The following PCDH7 variants were observed in gnomAD, a reference collection of about 807,000 sequenced individuals.
The protein encoded by PCDH7 is protocadherin-7.
Under a neutral mutation model 58.9 loss-of-function variants are expected in PCDH7, and 17 were observed. The observed-to-expected ratio is 0.29, with a 90% CI of 0.20 to 0.43. The LOEUF (loss-of-function observed/expected upper bound fraction) is 0.43. Ranked by LOEUF, PCDH7 falls within the 20% of genes least tolerant of loss-of-function variation. The probability of loss-of-function intolerance (pLI) is 1.00; values close to 1 mark genes in which losing one functional copy is unlikely to be tolerated. For missense variants in PCDH7, 1,274 were observed against 1,441.0 expected (o/e 0.88, Z 1.88); for synonymous variants, 664 against 616.4 (o/e 1.08, Z -1.14).
chr4:30,822,043 C>T (rs994527418), intron 1 of PCDH7, among the ~76,000 whole-genome samples: 5 of 152,128 alleles, frequency 3.3e-5, no homozygotes, highest in South Asian at 2.1e-4. Context: ...TGACCACAAA[C>T]GATCGGTATC....
chr4:30,857,611 A>G (rs949486043), intron 1 of PCDH7, among the ~76,000 whole-genome samples: 2 of 152,068 alleles, frequency 1.3e-5, no homozygotes, highest in Admixed American at 1.3e-4. Flanking sequence ...CATTTTAGGG[A>G]TGAGAGAATT....
chr4:30,945,399 A>G (rs1746547300), intron 2 of PCDH7, among the ~76,000 whole-genome samples: 1 of 152,078 alleles, frequency 6.6e-6, no homozygotes, highest in South Asian at 2.1e-4. Flanking sequence ...TTTAAAATTT[A>G]AAATTTTACT....
chr4:30,854,111 T>C (rs1733135878), intron 1 of PCDH7, among the ~76,000 whole-genome samples: 1 of 151,724 alleles, frequency 6.6e-6, no homozygotes. Flanking sequence ...TTTCAAGATA[T>C]AATTCAAACT....
chr4:30,804,384 C>G (rs1264928956), intron 1 of PCDH7, among the ~76,000 whole-genome samples: 1 of 151,772 alleles, frequency 6.6e-6, no homozygotes, highest in Non-Finnish European at 1.5e-5. Flanking sequence ...AGTAAAATAC[C>G]AAAAATTAGT....
At chr4:30,995,768 G>T (rs1578516110) in intron 3 of PCDH7, among the ~76,000 whole-genome samples, 1 of 152,074 alleles carries the variant, frequency 6.6e-6, no homozygotes, top group South Asian at 2.1e-4. Context: ...ACATTCCTTT[G>T]CTAGTGGCCC....
intron 1 of PCDH7, among the ~76,000 whole-genome samples, chr4:30,758,844 G>A (rs1172271247): frequency 6.6e-6 from 1 of 151,908 alleles, no homozygotes; most frequent in East Asian, 1.9e-4. Context: ...TAATTGAGTA[G>A]GGTATTTCTT....
At chr4:30,875,565 T>A (rs529008996) in intron 1 of PCDH7, among the ~76,000 whole-genome samples, 72 of 152,172 alleles carry the variant, frequency 4.7e-4, no homozygotes, top group Non-Finnish European at 8.1e-4. Context: ...AATCCTAAAA[T>A]TTTCAAACAC....
intron 3 of PCDH7, among the ~76,000 whole-genome samples, chr4:31,002,162 C>A (rs973672272): frequency 1.4e-4 from 21 of 152,176 alleles, no homozygotes; most frequent in Admixed American, 3.9e-4. Flanking sequence ...TATAAATGCA[C>A]ACACTTGGAA....
chr4:30,774,701 C>A (rs534300262), intron 1 of PCDH7, among the ~76,000 whole-genome samples: 6 of 152,118 alleles, frequency 3.9e-5, no homozygotes, highest in Non-Finnish European at 8.8e-5. Flanking sequence ...GTTCTACGTA[C>A]AATATACAGT....
At chr4:31,028,585 A>G (rs1218329656) in intron 3 of PCDH7, among the ~76,000 whole-genome samples, 1 of 151,938 alleles carries the variant, frequency 6.6e-6, no homozygotes, top group Non-Finnish European at 1.5e-5. Context: ...GGATCACTTG[A>G]GACCAGGAGT....
intron 3 of PCDH7, among the ~76,000 whole-genome samples, chr4:31,038,563 T>A (rs1755600178): frequency 6.6e-6 from 1 of 152,192 alleles, no homozygotes; most frequent in African/African-American, 2.4e-5. Flanking sequence ...GAATTGTATA[T>A]CTTCAAAAGA....
intron 1 of PCDH7, among the ~76,000 whole-genome samples, chr4:30,824,084 TTTCTTTCTTTCTTTCTTTC>T (rs1728728393): frequency 2.3e-4 from 2 of 8,728 alleles, no homozygotes; most frequent in African/African-American, 6.4e-4. Context: ...GTTTCTTTTC[TTTCTTTCTTTCTTTCTTTC>T]TTTCTTTCTT....
intron 1 of PCDH7, among the ~76,000 whole-genome samples, chr4:30,828,517 C>T (rs990227794): frequency 1.3e-5 from 2 of 151,936 alleles, no homozygotes; most frequent in African/African-American, 4.8e-5. Context: ...GCAGTTTCCC[C>T]CATGAGAATG....
chr4:30,878,413 A>G (rs989262910), intron 1 of PCDH7, among the ~76,000 whole-genome samples: 1 of 152,092 alleles, frequency 6.6e-6, no homozygotes, highest in African/African-American at 2.4e-5. Flanking sequence ...CTGAGCTTCC[A>G]TGGAGTTCTT....
At chr4:30,820,215 T>C (rs1728208571) in intron 1 of PCDH7, among the ~76,000 whole-genome samples, 1 of 152,096 alleles carries the variant, frequency 6.6e-6, no homozygotes. Flanking sequence ...AATAGTAAAA[T>C]AAAATAGATA....
At position 30,998,026 on chromosome 4, in the gene PCDH7, A is replaced by G. The variant is rs193152303; in HGVS notation, c.*7+47811A>G. ...CTATTTCTAAGCAAAAGAGGGAATCAAAGTAAGAAGTTACAAACTCTGCCA... is the reference window on the plus strand; with the variant it reads ...CTATTTCTAAGCAAAAGAGGGAATCGAAGTAAGAAGTTACAAACTCTGCCA... On this transcript the variant is annotated intron_variant, in intron 3 of 3. Coordinates refer to the PCDH7 transcript ENST00000509759. Among the ~76,000 whole-genome samples the G allele has an allele frequency of 7.9e-4, 120 of 152,310 alleles. 3 individuals are homozygous for G. Among genetic ancestry groups the G allele is most frequent in the Admixed American group, 7.7e-3 (117 of 15,288 alleles).
At chr4:30,990,542 T>A (rs915951959) in intron 3 of PCDH7, among the ~76,000 whole-genome samples, 2 of 152,146 alleles carry the variant, frequency 1.3e-5, no homozygotes, top group Admixed American at 1.3e-4. Context: ...TTTTCTTTTA[T>A]ATATGGTACA....
At chr4:30,899,197 G>T (rs1421103469) in intron 1 of PCDH7, among the ~76,000 whole-genome samples, 1 of 152,020 alleles carries the variant, frequency 6.6e-6, no homozygotes, top group Non-Finnish European at 1.5e-5. Flanking sequence ...CAGATTTTGA[G>T]AATGACTGTC....
intron 2 of PCDH7, among the ~76,000 whole-genome samples, chr4:30,932,932 C>A (rs373560729): frequency 3.4e-4 from 52 of 152,302 alleles, no homozygotes; most frequent in African/African-American, 1.3e-3. Flanking sequence ...CAAAGCAATA[C>A]CCTTTCTTTA....
Sources: gnomAD v4.1 joint callset for allele counts (sites outside exome capture counted in the v4.1 genomes callset) on GRCh38, gnomAD v4.1.1 for gene constraint, MANE v1.5 for transcripts, NCBI Gene and HGNC (gene_info 2026-07-23, HGNC 2026-07-21) for gene names.